SERPINA5: variants seen among roughly 807,000 people sequenced by gnomAD.
SERPINA5 encodes plasma serine protease inhibitor.
SERPINA5 carries 25 observed loss-of-function variants against 25.3 expected under a neutral mutation model. The ratio of observed to expected loss-of-function variants is 0.99; its 90% CI spans 0.72 to 1.38. SERPINA5 has a LOEUF of 1.38. Ranked by LOEUF, SERPINA5 falls within the 40% of genes most tolerant of loss-of-function variation. The pLI is 0.00. For missense variants in SERPINA5, 599 were observed against 509.5 expected (o/e 1.18, Z -1.69); for synonymous variants, 234 against 206.2 (o/e 1.14, Z -1.16).
In SERPINA5 at chr14:94,588,103, G is replaced by A. The variant is rs147965171; in HGVS notation, c.619+122G>A. ...GTACGTTAAGTTCTTTTGGGTGCCT[G>A]TTGAGAAAAATTAAGTAAACAAGCA... On this transcript the variant is annotated intron_variant, in intron 3 of 5. Coordinates refer to ENST00000329597, the MANE Select transcript of SERPINA5 (RefSeq NM_000624.6). 1.1e-4 allele frequency: 141 copies of A among 1,306,206 alleles called. 1 individual carries two copies. The African/African-American group carries it at 1.9e-3, about 18-fold the overall frequency. 80.9% of individuals were successfully genotyped at this position (1,306,206 alleles called of 1,614,324 possible). A position where few individuals can be genotyped will look rare whatever the true frequency, so the allele number is the denominator to read the frequency against.
At position 94,590,187 on chromosome 14, in the gene SERPINA5, G is replaced by A. The variant is rs762444159; in HGVS notation, c.766G>A (p.Gly256Arg). 9 of 1,614,120 alleles carry A rather than the reference G, an allele frequency of 5.6e-6. No homozygotes were observed. In the East Asian group the frequency reaches 1.3e-4, roughly 24 times the overall value. ...CCGGAACCTCTCCTGCAGGGTGGTG[G>A]GGGTCCCCTACCAAGGCAATGCCAC... ...LDRNLSCRVV[G>R]VPYQGNATAL... Residue 256 changes from glycine to arginine, a missense_variant, in exon 4 of 6, where the codon GGG becomes AGG. Gly to Arg is a moderately radical substitution (Grantham distance 125). Coordinates refer to ENST00000329597, the MANE Select transcript of SERPINA5 (RefSeq NM_000624.6).
Position 94,587,737 on chromosome 14 carries a change from C to T in SERPINA5, c.375C>T (p.Phe125=). 1 of 1,614,202 alleles carries T rather than the reference C, an allele frequency of 6.2e-7. No homozygotes were observed. The highest frequency in any genetic ancestry group is 8.5e-7 in the Non-Finnish European group (1 of 1,180,038). ...AACTCAACCAGCCCAGAGATGGCTT[C>T]CAGCTGAGCCTCGGCAATGCCCTTT... The part of the protein sequence containing the change: ...LQELNQPRDG[F]QLSLGNALFT... Residue 125 remains phenylalanine, a synonymous_variant, in exon 3 of 6, where the codon TTC becomes TTT. Coordinates refer to ENST00000329597, the MANE Select transcript of SERPINA5 (RefSeq NM_000624.6).
In SERPINA5 at chr14:94,587,724, C is replaced by T. The variant is rs141840783; in HGVS notation, c.362C>T (p.Pro121Leu). 2.0e-5 allele frequency: 32 copies of T among 1,614,192 alleles called. No individual in the cohort carries two copies. In the African/African-American group the frequency reaches 3.2e-4, roughly 16 times the overall value. The change falls in exon 3 of 6, where the codon CCC (proline) becomes CTC (leucine). Residue 121 changes from proline (P) to leucine (L), a missense_variant. Physicochemically the swap from Pro to Leu is moderately conservative, Grantham distance 98 (BLOSUM62 -3). Transcript: ENST00000329597. Reference protein sequence around the residue: ...FQQLLQELNQPRDGFQLSLGN... With the variant: ...FQQLLQELNQLRDGFQLSLGN... Reference sequence around the variant, plus strand: ...CAGCTCCTTCAGGAACTCAACCAGCCCAGAGATGGCTTCCAGCTGAGCCTC... The same window carrying T: ...CAGCTCCTTCAGGAACTCAACCAGCTCAGAGATGGCTTCCAGCTGAGCCTC...
rs763623961 is a variant in SERPINA5 at position 94,592,287 on chromosome 14, G to A, written c.*48G>A. 2 of 1,568,948 alleles carry A rather than the reference G, an allele frequency of 1.3e-6. No homozygotes were observed. The highest frequency in any genetic ancestry group is 1.4e-5 in the African/African-American group (1 of 73,714). On this transcript the variant is annotated 3_prime_UTR_variant, in exon 6 of 6. Coordinates refer to ENST00000329597, the MANE Select transcript of SERPINA5 (RefSeq NM_000624.6). Reference sequence around the variant, plus strand: ...ACAGGCCTCAGGGTGGGAGATGAAGGGGGCTAAGCTATGGCCCATCTGTAT... The same window carrying A: ...ACAGGCCTCAGGGTGGGAGATGAAGAGGGCTAAGCTATGGCCCATCTGTAT...
At chr14:94,591,582 C>CTATTCTATTT in intron 5 of SERPINA5, among the ~76,000 whole-genome samples, 1 of 150,770 alleles carries the variant, frequency 6.6e-6, no homozygotes, top group South Asian at 2.1e-4. Flanking sequence ...CTATTCTATT[C>CTATTCTATTT]TATTCTATTC....
rs1885336347 is a variant in SERPINA5, at chr14:94,592,411, AC to A, written c.*173del. On this transcript the variant is annotated 3_prime_UTR_variant, in exon 6 of 6. Coordinates refer to ENST00000329597, the MANE Select transcript of SERPINA5 (RefSeq NM_000624.6). ...GCTTCCACCCACACGACTGCAACAT[AC>A]AGGTGCCTTGGGGAAATGTGGAGAA... is the stretch of plus-strand genomic sequence containing the variant. The A allele has an allele frequency of 1.6e-6, 1 of 635,176 alleles. No individual in the cohort carries two copies. The highest frequency in any genetic ancestry group is 2.7e-6 in the Non-Finnish European group (1 of 376,922). The allele number at this position is 635,176 out of a possible 1,614,324, so 39.3% of individuals were successfully genotyped here.
intron 3 of SERPINA5, 66 bp downstream of exon 3, chr14:94,588,047 C>A (rs1419533996): frequency 3.9e-6 from 6 of 1,543,484 alleles, no homozygotes; most frequent in Admixed American, 2.0e-5. Context: ...TAAAGAATAC[C>A]CAATTCCCTC....
intron 3 of SERPINA5, 152 bp downstream of exon 3, chr14:94,588,133 G>A (rs1885159474): frequency 1.0e-6 from 1 of 973,450 alleles, no homozygotes; most frequent in East Asian, 2.4e-5. Context: ...CAAGCAGCCA[G>A]AGAAGGTAAG....
intron 4 of SERPINA5, 86 bp downstream of exon 4, chr14:94,590,397 TG>T (rs1417501483): frequency 3.7e-5 from 54 of 1,464,150 alleles, no homozygotes; most frequent in Non-Finnish European, 4.9e-5. Context: ...ACAGCACTGG[TG>T]GGAAGGACTC....
intron 2 of SERPINA5, among the ~76,000 whole-genome samples, chr14:94,586,676 T>C (rs1020838650): frequency 7.2e-5 from 11 of 152,112 alleles, no homozygotes; most frequent in Non-Finnish European, 1.2e-4. Context: ...ACGGTGGGGA[T>C]GTCCACATGA....
At position 94,592,154 on chromosome 14, in the gene SERPINA5, C is replaced by G. The variant is rs145343695; in HGVS notation, c.1136C>G (p.Ser379Cys). Reference protein sequence around the residue: ...IFTFRSARLNSQRLVFNRPFL... With the variant: ...IFTFRSARLNCQRLVFNRPFL... ...ACTTTCAGGTCGGCCCGCCTGAACT[C>G]TCAGAGGCTAGTGTTCAACAGGCCC... The change falls in exon 6 of 6, where the codon TCT becomes TGT. Residue 379 changes from serine to cysteine, a missense_variant. Transcript: ENST00000329597. 2.5e-6 allele frequency: 4 copies of G among 1,614,068 alleles called. No homozygotes were observed. Among genetic ancestry groups the G allele is most frequent in the Non-Finnish European group, 2.5e-6 (3 of 1,180,044 alleles).
rs1401241484 is a variant in SERPINA5, at chr14:94,592,134, C to A, written c.1116C>A (p.Phe372Leu). 5.6e-6 allele frequency: 9 copies of A among 1,614,054 alleles called. No homozygotes were observed. The highest frequency in any genetic ancestry group is 1.6e-4 in the Middle Eastern group (1 of 6,080). Residue 372 changes from phenylalanine to leucine, a missense_variant, in exon 6 of 6, where the codon TTC (phenylalanine) becomes TTA (leucine). Transcript: ENST00000329597. ...AAAATGTIFTFRSARLNSQRL... is the reference protein window; with the variant it reads ...AAAATGTIFTLRSARLNSQRL... ...CAGCCACGGGGACAATATTCACTTTCAGGTCGGCCCGCCTGAACTCTCAGA... is the reference window on the plus strand; with the variant it reads ...CAGCCACGGGGACAATATTCACTTTAAGGTCGGCCCGCCTGAACTCTCAGA...
chr14:94,590,991 A>C, intron 5 of SERPINA5, 95 bp downstream of exon 5: 2 of 1,196,318 alleles, frequency 1.7e-6, no homozygotes, highest in South Asian at 1.7e-5. Flanking sequence ...ATTCCATTCC[A>C]CTCAACTCCA....
intron 3 of SERPINA5, among the ~76,000 whole-genome samples, chr14:94,588,226 G>A (rs532864174): frequency 1.3e-5 from 2 of 152,076 alleles, no homozygotes; most frequent in East Asian, 1.9e-4. Flanking sequence ...TGCTGTCTTC[G>A]GGCCCCTGGG....
intron 5 of SERPINA5, 70 bp downstream of exon 5, chr14:94,590,966 AC>A: frequency 1.4e-6 from 2 of 1,444,812 alleles, no homozygotes; most frequent in Non-Finnish European, 1.9e-6. Flanking sequence ...ATTCTACTCT[AC>A]CCCATTTCAT....
At chr14:94,584,504 CA>C (rs1200205145) in intron 2 of SERPINA5, among the ~76,000 whole-genome samples, 1 of 152,250 alleles carries the variant, frequency 6.6e-6, no homozygotes, top group Non-Finnish European at 1.5e-5. Context: ...AGACTCAGTG[CA>C]CACCCGGAGA....
chr14:94,582,117 C>T (rs1212311255), intron 2 of SERPINA5: 1 of 152,226 alleles, frequency 6.6e-6, no homozygotes, highest in South Asian at 2.1e-4. Flanking sequence ...GAGGCTGCCA[C>T]CCAGGCCGGT....
chr14:94,583,059 G>A (rs1055389152), intron 2 of SERPINA5, among the ~76,000 whole-genome samples: 1 of 152,178 alleles, frequency 6.6e-6, no homozygotes, highest in Non-Finnish European at 1.5e-5. Flanking sequence ...AGTGAGCCTG[G>A]GGGTATCACG....
chr14:94,584,678 G>A (rs964154639), intron 2 of SERPINA5, among the ~76,000 whole-genome samples: 1 of 152,170 alleles, frequency 6.6e-6, no homozygotes, highest in African/African-American at 2.4e-5. Context: ...ATGGAGGCCA[G>A]GGCCTCACTG....
Sources: gnomAD v4.1 joint callset for allele counts (sites outside exome capture counted in the v4.1 genomes callset) on GRCh38, gnomAD v4.1.1 for gene constraint, MANE v1.5 for transcripts, NCBI Gene and HGNC (gene_info 2026-07-23, HGNC 2026-07-21) for gene names.